The following CDYL variants were observed in gnomAD, a reference collection of about 807,000 sequenced individuals.
CDYL encodes the protein chromodomain Y like, also known as chromodomain Y-like protein.
A neutral mutation model predicts 47.3 loss-of-function variants in CDYL; 8 were observed. The observed-to-expected ratio is 0.17, with a 90% confidence interval of 0.10 to 0.31. CDYL has a LOEUF of 0.31. Ranked by LOEUF, CDYL falls within the 10% of genes least tolerant of loss-of-function variation. The pLI is 1.00. For synonymous variants in CDYL, 266 were observed against 265.0 expected (o/e 1.00, Z -0.04); for missense variants, 471 against 701.4 (o/e 0.67, Z 3.71).
chr6:4,944,994 T>A (rs1262791368), intron 5 of CDYL, among the ~76,000 whole-genome samples: 2 of 151,950 alleles, frequency 1.3e-5, no homozygotes, highest in Non-Finnish European at 2.9e-5. Context: ...TGGGGGGCAG[T>A]CTGCAGACAC....
intron 1 of CDYL, among the ~76,000 whole-genome samples, chr6:4,786,071 A>G (rs1758747519): frequency 1.3e-5 from 2 of 152,258 alleles, no homozygotes; most frequent in South Asian, 2.1e-4. Flanking sequence ...TTTTATGGTA[A>G]ACTTAAACAT....
intron 1 of CDYL, among the ~76,000 whole-genome samples, chr6:4,817,859 T>C (rs553490709): frequency 2.0e-5 from 3 of 152,246 alleles, no homozygotes; most frequent in Non-Finnish European, 2.9e-5. Flanking sequence ...CTTTTTCATA[T>C]TAAAAACGTT....
chr6:4,837,111 C>A (rs1004104875), intron 1 of CDYL, among the ~76,000 whole-genome samples: 1 of 152,202 alleles, frequency 6.6e-6, no homozygotes, highest in Admixed American at 6.5e-5. Context: ...ATAGGTCAAT[C>A]ATTGTTAAAG....
Position 4,943,405 on chromosome 6 carries a change from C to G in CDYL, c.1122-141C>G, listed in dbSNP as rs181271283. ...TAAATAAGTCTAGGGTCCACAACTG[C>G]TGGGGAAGGCCTTAAACAAATCTCA... On this transcript the variant is annotated intron_variant, in intron 4 of 6. Transcript: ENST00000397588. The G allele has an allele frequency of 7.7e-4, 494 of 639,434 alleles. 3 individuals are homozygous for G. The highest frequency in any genetic ancestry group is 7.1e-3 in the African/African-American group (390 of 54,588). 39.6% of individuals were successfully genotyped at this position (639,434 alleles called of 1,614,324 possible). A position where few individuals can be genotyped will look rare whatever the true frequency, so the allele number is the denominator to read the frequency against.
chr6:4,942,827 ACTC>A (rs1361931042), intron 4 of CDYL, among the ~76,000 whole-genome samples: 1 of 151,812 alleles, frequency 6.6e-6, no homozygotes, highest in Non-Finnish European at 1.5e-5. Flanking sequence ...TGTCCTCCGA[ACTC>A]CTGCTGCAGC....
In CDYL at chr6:4,710,379, G is replaced by GGGAGGGAAGGAAGGAAGGAA. The variant is rs1554130869; in HGVS notation, c.-39+4131_-39+4132insGGGAAGGAAGGAAGGAAGGA. Among the ~76,000 whole-genome samples, 116 of 101,216 alleles carry GGGAGGGAAGGAAGGAAGGAA rather than the reference G, an allele frequency of 1.1e-3. 1 individual carries two copies. The East Asian group carries it at 0.018, about 16-fold the overall frequency. 66.4% of individuals were successfully genotyped at this position (101,216 alleles called of 152,430 possible). ...AGGGAGGGAAGGAGGGAGGGAGGGA[G>GGGAGGGAAGGAAGGAAGGAA]GGAAGGAAGGAAGGAAGGAAGGAAA... On this transcript the variant is annotated intron_variant, in intron 1 of 8. Coordinates refer to the CDYL transcript ENST00000328908.
chr6:4,890,075 G>A lies in CDYL; in HGVS notation c.25-1638G>A, dbSNP rs914162653. On this transcript the variant is annotated intron_variant, in intron 1 of 6. Coordinates refer to ENST00000397588, the MANE Select transcript of CDYL (RefSeq NM_004824.4). ...TAAGGAAACAGAGGAAAGCAAACGGGAATACTCTGGTTTAGTATACTGCCC... is the reference window on the plus strand; with the variant it reads ...TAAGGAAACAGAGGAAAGCAAACGGAAATACTCTGGTTTAGTATACTGCCC... 54 of 985,332 alleles carry A rather than the reference G, an allele frequency of 5.5e-5. 1 individual carries two copies. The South Asian group carries it at 1.9e-3, about 35-fold the overall frequency. The allele number at this position is 985,332 out of a possible 1,614,324, so 61.0% of individuals were successfully genotyped here.
chr6:4,922,021 G>A (rs934992889), intron 2 of CDYL, among the ~76,000 whole-genome samples: 2 of 152,108 alleles, frequency 1.3e-5, no homozygotes, highest in Admixed American at 1.3e-4. Context: ...TGCCTCTGTG[G>A]TGGCAGCTGG....
intron 1 of CDYL, among the ~76,000 whole-genome samples, chr6:4,870,759 C>A (rs143019440): frequency 6.6e-6 from 1 of 152,192 alleles, no homozygotes; most frequent in African/African-American, 2.4e-5. Flanking sequence ...CTGATTCTTT[C>A]TTCTGCCATT....
At chr6:4,750,072 C>T (rs960458915) in intron 3 of CDYL, among the ~76,000 whole-genome samples, 1 of 152,092 alleles carries the variant, frequency 6.6e-6, no homozygotes, top group Non-Finnish European at 1.5e-5. Flanking sequence ...GGCATGGTGG[C>T]TCACCCCTGT....
chr6:4,894,040 G>A (rs1448686112), intron 2 of CDYL, among the ~76,000 whole-genome samples: 1 of 152,196 alleles, frequency 6.6e-6, no homozygotes, highest in Non-Finnish European at 1.5e-5. Flanking sequence ...CTTGTTTGCA[G>A]GTTTGACTTC....
intron 1 of CDYL, among the ~76,000 whole-genome samples, chr6:4,886,359 G>A (rs1402432198): frequency 2.0e-5 from 3 of 152,160 alleles, no homozygotes; most frequent in Non-Finnish European, 4.4e-5. Context: ...AGCAGTACAT[G>A]ACAGTTCCCA....
chr6:4,915,257 T>A (rs1300265106), intron 2 of CDYL, among the ~76,000 whole-genome samples: 1 of 152,244 alleles, frequency 6.6e-6, no homozygotes, highest in African/African-American at 2.4e-5. Context: ...TGATACAAGT[T>A]GTCAAACCAT....
intron 3 of CDYL, among the ~76,000 whole-genome samples, chr6:4,736,637 C>T (rs557688158): frequency 6.6e-6 from 1 of 151,290 alleles, no homozygotes; most frequent in Non-Finnish European, 1.5e-5. Context: ...AGTGGAGAGA[C>T]ATGAAAGCCA....
At chr6:4,937,007 T>C (rs955503489) in intron 3 of CDYL, among the ~76,000 whole-genome samples, 2 of 152,182 alleles carry the variant, frequency 1.3e-5, no homozygotes, top group African/African-American at 2.4e-5. Flanking sequence ...ATGGTAGATA[T>C]CAGTAACTGT....
intron 2 of CDYL, among the ~76,000 whole-genome samples, chr6:4,729,148 CAG>C (rs969063001): frequency 2.0e-5 from 3 of 152,152 alleles, no homozygotes; most frequent in Non-Finnish European, 2.9e-5. Context: ...AGGTCAACAA[CAG>C]AGTGGGATAA....
At chr6:4,774,319 C>T (rs567702838), upstream of CDYL, among the ~76,000 whole-genome samples, 14 of 152,314 alleles carry the variant, frequency 9.2e-5, no homozygotes, top group East Asian at 2.7e-3. Context: ...GCACTCAATG[C>T]TTTGAGATTT....
At chr6:4,869,974 G>C (rs1240299054) in intron 1 of CDYL, among the ~76,000 whole-genome samples, 4 of 152,162 alleles carry the variant, frequency 2.6e-5, no homozygotes, top group Non-Finnish European at 5.9e-5. Flanking sequence ...TATGCTTTCT[G>C]TCAGGCAGCT....
In CDYL at chr6:4,907,770, T is replaced by C. The variant is rs190134908; in HGVS notation, c.691+15391T>C. On this transcript the variant is annotated intron_variant, in intron 2 of 6. Transcript: ENST00000397588. Reference sequence around the variant, plus strand: ...GTTTTTGTTACTGTATTTATAAAACTTAGCACATTGTGGCTTTTAGGTTGC... The same window carrying C: ...GTTTTTGTTACTGTATTTATAAAACCTAGCACATTGTGGCTTTTAGGTTGC... Among the ~76,000 whole-genome samples, 339 of 152,366 alleles carry C rather than the reference T, an allele frequency of 2.2e-3. 1 individual carries two copies. Among genetic ancestry groups the C allele is most frequent in the African/African-American group, 7.9e-3 (328 of 41,582 alleles).
Sources: gnomAD v4.1 joint callset for allele counts (sites outside exome capture counted in the v4.1 genomes callset) on GRCh38, gnomAD v4.1.1 for gene constraint, MANE v1.5 for transcripts, NCBI Gene and HGNC (gene_info 2026-07-23, HGNC 2026-07-21) for gene names.